The following SGMS1 variants were observed in gnomAD, a reference collection of about 807,000 sequenced individuals.
SGMS1 encodes the protein sphingomyelin synthase 1.
Under a neutral mutation model 46.2 loss-of-function variants are expected in SGMS1, and 13 were observed. The observed-to-expected ratio is 0.28, with a 90% CI of 0.18 to 0.45. The LOEUF (loss-of-function observed/expected upper bound fraction) is 0.45, where lower values mean the gene tolerates loss of function less well. Ranked by LOEUF, SGMS1 falls within the 20% of genes least tolerant of loss-of-function variation. The pLI is 1.00. For missense variants in SGMS1, 324 were observed against 519.9 expected (o/e 0.62, Z 3.66); for synonymous variants, 203 against 187.8 (o/e 1.08, Z -0.66).
At position 50,572,125 on chromosome 10, in the gene SGMS1, G is replaced by A. The variant is rs1315611312; in HGVS notation, c.-589+18028C>T. Among the ~76,000 whole-genome samples, 14 of 152,282 alleles carry A rather than the reference G, an allele frequency of 9.2e-5. No individual in the cohort carries two copies. In the East Asian group the frequency reaches 2.5e-3, roughly 27 times the overall value. On this transcript the variant is annotated intron_variant, in intron 2 of 10. Coordinates refer to ENST00000361781, the MANE Select transcript of SGMS1 (RefSeq NM_147156.4). ...CTGGCCCCTGACCACACTGTGTTGTGTAAGTCCAGGACCCAGGACAAAGGC... is the reference window on the plus strand; with the variant it reads ...CTGGCCCCTGACCACACTGTGTTGTATAAGTCCAGGACCCAGGACAAAGGC...
intron 2 of SGMS1, among the ~76,000 whole-genome samples, chr10:50,582,166 G>A (rs1486548792): frequency 3.3e-5 from 5 of 152,148 alleles, no homozygotes; most frequent in Admixed American, 3.3e-4. Flanking sequence ...CATAGCTTGG[G>A]AGCGTATCAG....
intron 2 of SGMS1, among the ~76,000 whole-genome samples, chr10:50,575,784 G>GA (rs1838379498): frequency 6.6e-6 from 1 of 152,090 alleles, no homozygotes; most frequent in South Asian, 2.1e-4. Context: ...TAAGGCTAGG[G>GA]AAAAAACAAA....
intron 2 of SGMS1, among the ~76,000 whole-genome samples, chr10:50,553,412 A>C (rs1838164792): frequency 6.6e-6 from 1 of 152,194 alleles, no homozygotes; most frequent in Non-Finnish European, 1.5e-5. Context: ...CATGCACAAA[A>C]AGTACTTAGT....
chr10:50,596,179 T>G (rs2131900708), intron 1 of SGMS1, among the ~76,000 whole-genome samples: 1 of 148,104 alleles, frequency 6.8e-6, no homozygotes, highest in South Asian at 2.1e-4. Context: ...ATCACGATTT[T>G]TTTTTTTTTT....
At chr10:50,606,450 A>T (rs1226743271) in intron 1 of SGMS1, among the ~76,000 whole-genome samples, 34 of 152,248 alleles carry the variant, frequency 2.2e-4, no homozygotes, top group Non-Finnish European at 1.5e-5. Context: ...ATACTTAAAA[A>T]TTGTTAAAAT....
chr10:50,459,127 T>C (rs886949493), intron 5 of SGMS1, among the ~76,000 whole-genome samples: 2 of 152,166 alleles, frequency 1.3e-5, no homozygotes, highest in Non-Finnish European at 2.9e-5. Context: ...ATTAGAAATA[T>C]AAAAGTCCAC....
intron 3 of SGMS1, among the ~76,000 whole-genome samples, chr10:50,499,944 G>A (rs1156426546): frequency 2.0e-5 from 3 of 152,190 alleles, no homozygotes; most frequent in Non-Finnish European, 4.4e-5. Flanking sequence ...AAAGGCGGGC[G>A]GATCATGAGG....
intron 2 of SGMS1, among the ~76,000 whole-genome samples, chr10:50,563,742 C>CAA (rs60882939): frequency 0.012 from 760 of 65,396 alleles, 17 homozygotes; most frequent in African/African-American, 0.02. Flanking sequence ...GACTCCGTCT[C>CAA]AAAAAAAAAA....
intron 7 of SGMS1, among the ~76,000 whole-genome samples, chr10:50,328,394 C>T (rs908758948): frequency 6.6e-6 from 1 of 152,108 alleles, no homozygotes; most frequent in African/African-American, 2.4e-5. Context: ...GGATCTTGGC[C>T]ATTCAATCAT....
chr10:50,591,857 G>T (rs1296290387), intron 1 of SGMS1, among the ~76,000 whole-genome samples: 1 of 152,194 alleles, frequency 6.6e-6, no homozygotes. Flanking sequence ...GGCCCTACTT[G>T]GCGCTTCATC....
intron 9 of SGMS1, among the ~76,000 whole-genome samples, chr10:50,310,693 C>T (rs1847240012): frequency 6.6e-6 from 1 of 152,006 alleles, no homozygotes; most frequent in Admixed American, 6.5e-5. Context: ...AAATCTGAGC[C>T]ATGTATGCGG....
intron 6 of SGMS1, among the ~76,000 whole-genome samples, chr10:50,384,385 TTCTCTC>T: frequency 6.7e-6 from 1 of 148,696 alleles, no homozygotes; most frequent in South Asian, 2.1e-4. Context: ...CTCTTTCTTT[TTCTCTC>T]TCTCTCTCTC....
chr10:50,526,049 G>C (rs1044275010), intron 2 of SGMS1, among the ~76,000 whole-genome samples: 1 of 152,184 alleles, frequency 6.6e-6, no homozygotes, highest in African/African-American at 2.4e-5. Flanking sequence ...AGGGAGGCCT[G>C]AGGGGAAGCC....
intron 3 of SGMS1, among the ~76,000 whole-genome samples, chr10:50,494,852 C>T (rs935664743): frequency 9.2e-5 from 14 of 151,480 alleles, no homozygotes; most frequent in African/African-American, 2.7e-4. Flanking sequence ...CCGGCTAAAA[C>T]GGTGAAACCC....
chr10:50,347,359 C>T (rs989242849), intron 6 of SGMS1, among the ~76,000 whole-genome samples: 5 of 152,072 alleles, frequency 3.3e-5, no homozygotes, highest in African/African-American at 1.2e-4. Context: ...AATTTGGACG[C>T]GCAAGGAGAA....
chr10:50,548,107 C>T (rs1304671782), intron 2 of SGMS1, among the ~76,000 whole-genome samples: 2 of 152,114 alleles, frequency 1.3e-5, no homozygotes, highest in African/African-American at 2.4e-5. Context: ...AAGCATTCCT[C>T]TTGAAAAATG....
intron 6 of SGMS1, among the ~76,000 whole-genome samples, chr10:50,358,182 G>T (rs1305510323): frequency 1.3e-5 from 2 of 149,224 alleles, no homozygotes; most frequent in Non-Finnish European, 3.0e-5. Context: ...GTAACATGGA[G>T]TATATACATG....
At chr10:50,460,981 C>T (rs1837257267) in intron 4 of SGMS1, among the ~76,000 whole-genome samples, 167 bp from the exon 5 acceptor site, 5 of 151,162 alleles carry the variant, frequency 3.3e-5, no homozygotes, top group Non-Finnish European at 4.4e-5. Flanking sequence ...TTACCTCCTC[C>T]CATTTTTTCT....
chr10:50,404,642 G>C (rs746446682), intron 6 of SGMS1, among the ~76,000 whole-genome samples: 6 of 152,136 alleles, frequency 3.9e-5, no homozygotes, highest in Non-Finnish European at 5.9e-5. Flanking sequence ...AGAAGAATTT[G>C]GTGATGTTTA....
Sources: gnomAD v4.1 joint callset for allele counts (sites outside exome capture counted in the v4.1 genomes callset) on GRCh38, gnomAD v4.1.1 for gene constraint, MANE v1.5 for transcripts, NCBI Gene and HGNC (gene_info 2026-07-23, HGNC 2026-07-21) for gene names.